Variants in DACH2 observed in about 807,000 individuals in gnomAD.
DACH2 encodes the protein dachshund family transcription factor 2, also known as dachshund homolog 2.
A neutral mutation model predicts 35.8 loss-of-function variants in DACH2; 17 were observed. The ratio of observed to expected loss-of-function variants is 0.48; its 90% CI spans 0.33 to 0.71. DACH2 has a LOEUF of 0.71. Ranked by LOEUF, DACH2 falls within the 30% of genes least tolerant of loss-of-function variation. DACH2 has a pLI of 0.02. For missense variants in DACH2, 469 were observed against 472.7 expected, an observed-to-expected ratio of 0.99 and a Z score of 0.07; for synonymous variants, 195 against 177.3, an observed-to-expected ratio of 1.10 and a Z score of -0.79.
At chrX:86,668,819 A>AT (rs1309870578) in intron 4 of DACH2, among the ~76,000 whole-genome samples, 1 of 111,605 alleles carries the variant, frequency 9.0e-6, no homozygotes, top group Non-Finnish European at 1.9e-5. Context: ...CTTGTTTTTA[A>AT]TTTTAGGAAA....
chrX:86,632,885 C>A (rs1484588676), intron 3 of DACH2, among the ~76,000 whole-genome samples: 1 of 110,093 alleles, frequency 9.1e-6, no homozygotes, highest in Non-Finnish European at 1.9e-5. Context: ...AAAAACTTTT[C>A]TAAAACAAAA....
chrX:86,732,757 G>A (rs1365294939), intron 6 of DACH2, among the ~76,000 whole-genome samples: 1 of 112,105 alleles, frequency 8.9e-6, no homozygotes, highest in Admixed American at 9.5e-5. Context: ...TTTTCTTTAT[G>A]TTTTACATTC....
intron 1 of DACH2, among the ~76,000 whole-genome samples, chrX:86,329,571 TCTTA>T (rs1340765048): frequency 4.5e-5 from 5 of 110,772 alleles, no homozygotes; most frequent in African/African-American, 1.3e-4. Flanking sequence ...ATTTTTTTTT[TCTTA>T]CTTAAGAAAA....
At chrX:86,660,135 G>A (rs987748884) in intron 4 of DACH2, among the ~76,000 whole-genome samples, 4 of 111,025 alleles carry the variant, frequency 3.6e-5, no homozygotes, top group South Asian at 3.8e-4. Flanking sequence ...ATCACTCTTC[G>A]TGCCCCTGCT....
intron 3 of DACH2, among the ~76,000 whole-genome samples, chrX:86,639,631 C>T (rs1284728301): frequency 9.0e-6 from 1 of 111,307 alleles, no homozygotes; most frequent in Non-Finnish European, 1.9e-5. Flanking sequence ...TTCCAAGGCA[C>T]GTCACAATAT....
intron 3 of DACH2, among the ~76,000 whole-genome samples, chrX:86,570,802 ATAT>A (rs1370428397): frequency 2.7e-5 from 3 of 110,971 alleles, no homozygotes; most frequent in African/African-American, 9.8e-5. Flanking sequence ...TGTTGGTTTT[ATAT>A]TATTGTTTTG....
chrX:86,279,786 A>G (rs753079078), intron 1 of DACH2, among the ~76,000 whole-genome samples: 1 of 110,046 alleles, frequency 9.1e-6, no homozygotes, highest in Non-Finnish European at 1.9e-5. Flanking sequence ...GGTTAGACAA[A>G]TTTCTAACTA....
At chrX:86,465,019 A>T (rs188995836) in intron 2 of DACH2, among the ~76,000 whole-genome samples, 10 of 112,229 alleles carry the variant, frequency 8.9e-5, no homozygotes, top group Admixed American at 2.8e-4. Flanking sequence ...CTTTTCCATG[A>T]CAGTGTTTTT....
At chrX:86,345,733 C>T (rs2035485243) in intron 1 of DACH2, among the ~76,000 whole-genome samples, 1 of 111,551 alleles carries the variant, frequency 9.0e-6, no homozygotes, top group Admixed American at 9.6e-5. Context: ...ATGCATGTCT[C>T]CTGTTTACCC....
At chrX:86,758,051 T>C (rs2041845962) in intron 7 of DACH2, among the ~76,000 whole-genome samples, 1 of 112,188 alleles carries the variant, frequency 8.9e-6, no homozygotes. Context: ...TAGTGTGTAG[T>C]TGTTCTTAAG....
intron 5 of DACH2, among the ~76,000 whole-genome samples, chrX:86,710,299 G>T (rs1484553378): frequency 8.9e-5 from 10 of 112,070 alleles, no homozygotes; most frequent in Non-Finnish European, 1.7e-4. Context: ...TAACTAGGTA[G>T]CATTCAGGTA....
chrX:86,821,100 C>G (rs1379272835), intron 11 of DACH2, among the ~76,000 whole-genome samples: 1 of 110,892 alleles, frequency 9.0e-6, no homozygotes, highest in East Asian at 2.8e-4. Flanking sequence ...TAATTTCCTC[C>G]ACCACAGTGT....
chrX:86,731,432 G>A (rs948356752), intron 6 of DACH2, among the ~76,000 whole-genome samples: 1 of 111,184 alleles, frequency 9.0e-6, no homozygotes, highest in Non-Finnish European at 1.9e-5. Flanking sequence ...GACTCTTCAC[G>A]GCAATCTTTT....
chrX:86,198,307 A>T (rs2147899108), intron 1 of DACH2, among the ~76,000 whole-genome samples: 1 of 111,924 alleles, frequency 8.9e-6, no homozygotes, highest in East Asian at 2.8e-4. Flanking sequence ...CCACATCAAA[A>T]AGTTAGAAAG....
At chrX:86,779,274 G>A (rs185062463) in intron 7 of DACH2, among the ~76,000 whole-genome samples, 141 of 111,491 alleles carry the variant, frequency 1.3e-3, no homozygotes, top group African/African-American at 4.4e-3. Flanking sequence ...TTGTATAGTA[G>A]ATGAGGGAGC....
intron 7 of DACH2, among the ~76,000 whole-genome samples, chrX:86,795,641 C>CT (rs1163403465): frequency 1.8e-5 from 2 of 112,461 alleles, no homozygotes; most frequent in African/African-American, 6.5e-5. Context: ...CCAGTGGGTT[C>CT]TTGGTCTCTC....
chrX:86,325,798 C>A (rs778734937), intron 1 of DACH2, among the ~76,000 whole-genome samples: 2 of 111,763 alleles, frequency 1.8e-5, no homozygotes, highest in South Asian at 7.5e-4. Context: ...CAGAGTTTTG[C>A]CTTATAGATA....
chrX:86,810,535 C>T (rs759436367), intron 7 of DACH2, among the ~76,000 whole-genome samples: 29 of 111,612 alleles, frequency 2.6e-4, no homozygotes, highest in Non-Finnish European at 1.3e-4. Context: ...AAGTACAGAA[C>T]CTTTCCAGCT....
chrX:86,349,403 G>A (rs1333746858), intron 1 of DACH2, among the ~76,000 whole-genome samples: 1 of 111,792 alleles, frequency 8.9e-6, no homozygotes, highest in Non-Finnish European at 1.9e-5. Flanking sequence ...GGGTCTCAGG[G>A]TTTTTATAGG....
Sources: allele counts gnomAD v4.1 joint callset (sites outside exome capture counted in the v4.1 genomes callset), GRCh38; gene constraint gnomAD v4.1.1; transcripts MANE v1.5; gene names NCBI Gene and HGNC (gene_info 2026-07-23, HGNC 2026-07-21).